Variants in RALGAPA1 observed in about 807,000 individuals in gnomAD.
RALGAPA1 encodes Ral GTPase activating protein catalytic subunit alpha 1.
RALGAPA1 carries 52 observed loss-of-function variants against 269.6 expected under a neutral mutation model. The ratio of observed to expected loss-of-function variants is 0.19; its 90% CI spans 0.15 to 0.24. RALGAPA1 has a LOEUF of 0.24. RALGAPA1 is among the 10% of genes least tolerant of loss of function. The pLI is 1.00. For missense variants in RALGAPA1, 1,917 were observed against 3,013.9 expected (o/e 0.64, Z 8.52); for synonymous variants, 817 against 1,008.3 (o/e 0.81, Z 3.60).
intron 14 of RALGAPA1, among the ~76,000 whole-genome samples, chr14:35,724,249 G>A (rs952736740): frequency 3.3e-5 from 5 of 151,990 alleles, no homozygotes; most frequent in African/African-American, 1.2e-4. Context: ...ACATGTAGCT[G>A]GTTTTAAAGG....
chr14:35,780,166 T>C (rs986011759), intron 1 of RALGAPA1, among the ~76,000 whole-genome samples: 1 of 152,166 alleles, frequency 6.6e-6, no homozygotes, highest in Admixed American at 6.5e-5. Flanking sequence ...GGGTTAATCT[T>C]TTAAGAAGAT....
intron 1 of RALGAPA1, among the ~76,000 whole-genome samples, chr14:35,799,732 A>G (rs2076841255): frequency 6.6e-6 from 1 of 152,130 alleles, no homozygotes; most frequent in Non-Finnish European, 1.5e-5. Flanking sequence ...AAAGATGACA[A>G]ACTCAAACCT....
chr14:35,569,614 C>T (rs1208795705), intron 39 of RALGAPA1, among the ~76,000 whole-genome samples: 2 of 152,128 alleles, frequency 1.3e-5, no homozygotes, highest in African/African-American at 4.8e-5. Flanking sequence ...CTTAAACATT[C>T]CCCATCTTCT....
intron 26 of RALGAPA1, among the ~76,000 whole-genome samples, chr14:35,667,611 C>T (rs185815758): frequency 6.6e-6 from 1 of 152,136 alleles, no homozygotes; most frequent in East Asian, 1.9e-4. Context: ...CTAATAAGCA[C>T]CCAGATCATG....
chr14:35,676,164 AT>A (rs1471466140), intron 22 of RALGAPA1: 2 of 152,070 alleles, frequency 1.3e-5, no homozygotes, highest in African/African-American at 4.8e-5. Context: ...AGCTAACAAA[AT>A]TTTAAATGAT....
chr14:35,754,334 G>A (rs1595438382), intron 7 of RALGAPA1, among the ~76,000 whole-genome samples: 3 of 152,168 alleles, frequency 2.0e-5, no homozygotes, highest in Admixed American at 2.0e-4. Flanking sequence ...ACATACATCT[G>A]ACTAAGGACT....
chr14:35,668,006 T>C (rs1293868283), intron 26 of RALGAPA1, among the ~76,000 whole-genome samples: 3 of 152,186 alleles, frequency 2.0e-5, no homozygotes, highest in African/African-American at 7.2e-5. Context: ...TGCAGCAACA[T>C]GGGTAGAACT....
intron 39 of RALGAPA1, among the ~76,000 whole-genome samples, chr14:35,552,243 A>T (rs1314637466): frequency 6.6e-6 from 1 of 152,070 alleles, no homozygotes; most frequent in Non-Finnish European, 1.5e-5. Flanking sequence ...CTTAGACCAC[A>T]GTTCTGAGTC....
At chr14:35,573,646 C>T (rs2057370877) in intron 37 of RALGAPA1, among the ~76,000 whole-genome samples, 1 of 152,124 alleles carries the variant, frequency 6.6e-6, no homozygotes, top group South Asian at 2.1e-4. Context: ...AACTTAATAT[C>T]TGATTTAAAC....
chr14:35,808,709 C>A (rs772522150), intron 1 of RALGAPA1, 21 bp downstream of exon 1: 2 of 1,603,670 alleles, frequency 1.2e-6, no homozygotes, highest in Non-Finnish European at 8.5e-7. Flanking sequence ...GGCCTCGGCG[C>A]TGCCACCCCT....
intron 37 of RALGAPA1, among the ~76,000 whole-genome samples, chr14:35,578,512 C>T (rs975523893): frequency 1.3e-5 from 2 of 152,196 alleles, no homozygotes; most frequent in Non-Finnish European, 2.9e-5. Flanking sequence ...AATAGTCACA[C>T]ATATTTTCCT....
intron 41 of RALGAPA1, chr14:35,542,064 G>T (rs1234766276): frequency 1.7e-6 from 2 of 1,147,834 alleles, no homozygotes; most frequent in South Asian, 2.6e-5. Context: ...AAAAAGAAAA[G>T]AAGAAAAAAG....
chr14:35,765,654 C>G, intron 4 of RALGAPA1: 1 of 237,870 alleles, frequency 4.2e-6, no homozygotes. Flanking sequence ...ACTACCACAC[C>G]CAGCTAATTT....
rs182920838 is a variant in RALGAPA1 at position 35,796,488 on chromosome 14, T to C, written c.106+12242A>G. On this transcript the variant is annotated intron_variant, in intron 1 of 41. Coordinates refer to ENST00000680220, the MANE Select transcript of RALGAPA1 (RefSeq NM_001346249.2). Reference sequence around the variant, plus strand: ...GAAGGGAAAATAATGACCAAAATTTTTCCAAGTTTGATGAAAACTATAAAC... The same window carrying C: ...GAAGGGAAAATAATGACCAAAATTTCTCCAAGTTTGATGAAAACTATAAAC... 3.9e-5 allele frequency among the ~76,000 whole-genome samples: 6 copies of C among 152,272 alleles called. No individual in the cohort carries two copies. The East Asian group carries it at 1.2e-3, about 29-fold the overall frequency.
chr14:35,640,618 G>A (rs1343697025), intron 31 of RALGAPA1, among the ~76,000 whole-genome samples: 1 of 152,048 alleles, frequency 6.6e-6, no homozygotes, highest in African/African-American at 2.4e-5. Context: ...ACCAAAGAAA[G>A]GCCCAGGACC....
intron 36 of RALGAPA1, among the ~76,000 whole-genome samples, chr14:35,605,211 T>G (rs987947316): frequency 3.3e-5 from 5 of 152,090 alleles, no homozygotes; most frequent in Non-Finnish European, 5.9e-5. Flanking sequence ...TTGGTAAACT[T>G]GAGGATCTGG....
rs574164830 is a variant in RALGAPA1, at chr14:35,554,906, G to A, written c.7497-5672C>T. 3.9e-5 allele frequency among the ~76,000 whole-genome samples: 6 copies of A among 152,246 alleles called. No individual in the cohort carries two copies. The South Asian group carries it at 1.2e-3, about 32-fold the overall frequency. Reference sequence around the variant, plus strand: ...ATTCAATGACTGTTTACAACTTCTAGAAGGAATGAATAAAGTTGGTTTGAT... The same window carrying A: ...ATTCAATGACTGTTTACAACTTCTAAAAGGAATGAATAAAGTTGGTTTGAT... On this transcript the variant is annotated intron_variant, in intron 39 of 41. Transcript: ENST00000680220.
chr14:35,685,198 A>C, intron 19 of RALGAPA1, 53 bp from the exon 20 acceptor site: 3 of 1,435,678 alleles, frequency 2.1e-6, no homozygotes, highest in Non-Finnish European at 2.8e-6. Context: ...ATTCTCTTTA[A>C]CCATCTGAAA....
chr14:35,621,342 C>A (rs986476271), intron 35 of RALGAPA1, among the ~76,000 whole-genome samples: 1 of 152,164 alleles, frequency 6.6e-6, no homozygotes, highest in African/African-American at 2.4e-5. Flanking sequence ...CCCTTCCTTA[C>A]ACCTTATACA....
Sources: allele counts gnomAD v4.1 joint callset (sites outside exome capture counted in the v4.1 genomes callset), GRCh38; gene constraint gnomAD v4.1.1; transcripts MANE v1.5; gene names NCBI Gene and HGNC (gene_info 2026-07-23, HGNC 2026-07-21).